Variants in BCL7C observed in about 807,000 individuals in gnomAD.
BCL7C encodes B-cell CLL/lymphoma 7 protein family member C.
Under a neutral mutation model 26.2 loss-of-function variants are expected in BCL7C, and 8 were observed. The observed-to-expected ratio is 0.30, with a 90% CI of 0.18 to 0.55. BCL7C has a LOEUF of 0.55. BCL7C is among the 20% of genes least tolerant of loss of function. The pLI is 0.93. For missense variants in BCL7C, 262 were observed against 298.5 expected, an observed-to-expected ratio of 0.88 and a Z score of 0.90; for synonymous variants, 90 against 116.5, an observed-to-expected ratio of 0.77 and a Z score of 1.47.
At chr16:30,856,804 T>C (rs2054726440) in intron 5 of BCL7C, among the ~76,000 whole-genome samples, 1 of 152,178 alleles carries the variant, frequency 6.6e-6, no homozygotes, top group Non-Finnish European at 1.5e-5. Context: ...CAGCTAGAGG[T>C]GAGAGCGTAG....
intron 5 of BCL7C, among the ~76,000 whole-genome samples, chr16:30,860,280 C>T (rs961030307): frequency 6.6e-6 from 1 of 152,204 alleles, no homozygotes; most frequent in Non-Finnish European, 1.5e-5. Flanking sequence ...GTCTGATCAC[C>T]GCGGGGATGT....
At chr16:30,879,630 C>T (rs2055006945) in intron 5 of BCL7C, among the ~76,000 whole-genome samples, 1 of 137,884 alleles carries the variant, frequency 7.3e-6, no homozygotes, top group African/African-American at 2.6e-5. Flanking sequence ...CCAGGAGGAT[C>T]CCTTGAGGCC....
At chr16:30,859,105 G>A (rs983897699) in intron 5 of BCL7C, among the ~76,000 whole-genome samples, 2 of 152,194 alleles carry the variant, frequency 1.3e-5, no homozygotes, top group African/African-American at 4.8e-5. Context: ...ACAAGATTCA[G>A]TGCATATATC....
At chr16:30,873,389 G>A (rs1321184223) in intron 5 of BCL7C, among the ~76,000 whole-genome samples, 1 of 152,160 alleles carries the variant, frequency 6.6e-6, no homozygotes, top group African/African-American at 2.4e-5. Flanking sequence ...GGGAGTTACT[G>A]TTAATGGGTA....
chr16:30,870,659 C>T (rs1004414856), intron 5 of BCL7C, among the ~76,000 whole-genome samples: 3 of 151,768 alleles, frequency 2.0e-5, no homozygotes, highest in Non-Finnish European at 4.4e-5. Flanking sequence ...AGATCTTGTC[C>T]CCCCACCAAA....
At chr16:30,844,796 TC>T (rs1180682915) in intron 5 of BCL7C, among the ~76,000 whole-genome samples, 2 of 152,196 alleles carry the variant, frequency 1.3e-5, no homozygotes, top group Non-Finnish European at 2.9e-5. Context: ...AATGTCACCC[TC>T]CAGTACCTGC....
At chr16:30,844,518 C>A (rs1374156339) in intron 5 of BCL7C, among the ~76,000 whole-genome samples, 1 of 152,188 alleles carries the variant, frequency 6.6e-6, no homozygotes, top group Non-Finnish European at 1.5e-5. Flanking sequence ...ATCCATCTGA[C>A]TTCTGCACAG....
intron 5 of BCL7C, chr16:30,852,426 G>A (rs1248923069): frequency 1.3e-5 from 2 of 149,920 alleles, no homozygotes; most frequent in African/African-American, 2.5e-5. Flanking sequence ...ATTTAAGAAT[G>A]TATTCCAAAA....
chr16:30,885,656 G>T (rs992022356), downstream of BCL7C, among the ~76,000 whole-genome samples: 2 of 151,820 alleles, frequency 1.3e-5, no homozygotes, highest in Non-Finnish European at 2.9e-5. Context: ...CACCCACCTC[G>T]GCCTCCCAAG....
At chr16:30,870,465 G>A (rs551472740) in intron 5 of BCL7C, among the ~76,000 whole-genome samples, 1 of 152,046 alleles carries the variant, frequency 6.6e-6, no homozygotes, top group East Asian at 1.9e-4. Flanking sequence ...AGGAGTTTGA[G>A]ACCAGTGTGG....
At chr16:30,889,575 C>T (rs1161559359) in intron 4 of BCL7C, among the ~76,000 whole-genome samples, 7 of 151,990 alleles carry the variant, frequency 4.6e-5, no homozygotes, top group African/African-American at 1.7e-4. Flanking sequence ...CTGCAACCTC[C>T]GCCTCCCAGG....
downstream of BCL7C, chr16:30,887,733 T>C (rs1443060289): frequency 1.3e-5 from 18 of 1,401,336 alleles, no homozygotes; most frequent in Non-Finnish European, 1.7e-5. Flanking sequence ...CAATGGTGCA[T>C]GAGACAAAAC....
chr16:30,871,091 G>A (rs1250727816), intron 5 of BCL7C, among the ~76,000 whole-genome samples: 1 of 152,186 alleles, frequency 6.6e-6, no homozygotes, highest in Non-Finnish European at 1.5e-5. Context: ...GCCAGAACTG[G>A]GCAGGGGGAA....
At chr16:30,836,471 CTTTTT>C (rs762842983) in intron 5 of BCL7C, among the ~76,000 whole-genome samples, 1 of 116,954 alleles carries the variant, frequency 8.6e-6, no homozygotes, top group Non-Finnish European at 1.8e-5. Flanking sequence ...GAGACCCTGT[CTTTTT>C]TTTTTTTTTT....
At chr16:30,887,266 G>T (rs559377132), downstream of BCL7C, among the ~76,000 whole-genome samples, 1 of 151,888 alleles carries the variant, frequency 6.6e-6, no homozygotes, top group Admixed American at 6.6e-5. Flanking sequence ...GCGAGATTGC[G>T]CCATTGCACT....
In BCL7C at chr16:30,834,817, C is replaced by T. The variant is rs1218554823; in HGVS notation, c.*131G>A. 3.9e-5 allele frequency: 36 copies of T among 929,580 alleles called. No individual in the cohort carries two copies. Among genetic ancestry groups the T allele is most frequent in the Middle Eastern group, 3.4e-4 (1 of 2,902 alleles). The allele number at this position is 929,580 out of a possible 1,614,324, so 57.6% of individuals were successfully genotyped here. Reference sequence around the variant, plus strand: ...GCCTTAGGTTCGGGCAGGTGTGGGGCCGCTCGCCCTCCGATGTTACCGCGG... The same window carrying T: ...GCCTTAGGTTCGGGCAGGTGTGGGGTCGCTCGCCCTCCGATGTTACCGCGG... On this transcript the variant is annotated 3_prime_UTR_variant, in exon 6 of 6. Coordinates refer to the BCL7C transcript ENST00000380317. This position sits in a 1 kb window ranked among gnomAD's most constrained non-coding sequence, Gnocchi z 4.3.
chr16:30,856,520 C>T (rs2054723678), intron 5 of BCL7C, among the ~76,000 whole-genome samples: 1 of 151,256 alleles, frequency 6.6e-6, no homozygotes, highest in Non-Finnish European at 1.5e-5. Flanking sequence ...TGTCACTGTA[C>T]GTTGTTGCTG....
intron 5 of BCL7C, among the ~76,000 whole-genome samples, chr16:30,879,711 T>TAAAAAAAAAAAAAAAAAAAA (rs1596612477): frequency 5.8e-5 from 1 of 17,168 alleles, no homozygotes; most frequent in African/African-American, 1.1e-4. Context: ...AAAAAAAAAC[T>TAAAAAAAAAAAAAAAAAAAA]GGGCACGGTG....
chr16:30,867,464 A>C (rs924992840), intron 5 of BCL7C, among the ~76,000 whole-genome samples: 1 of 152,086 alleles, frequency 6.6e-6, no homozygotes, highest in Non-Finnish European at 1.5e-5. Flanking sequence ...AAGGACCTTG[A>C]GATGCGGGTG....
Sources: allele counts gnomAD v4.1 joint callset (sites outside exome capture counted in the v4.1 genomes callset), GRCh38; gene constraint gnomAD v4.1.1; non-coding constraint Gnocchi (gnomAD v3.1); transcripts MANE v1.5; gene names NCBI Gene and HGNC (gene_info 2026-07-23, HGNC 2026-07-21).